Variants in INTS8 observed in about 807,000 individuals in gnomAD.
The protein encoded by INTS8 is protein kaonashi-1.
Under a neutral mutation model 138.9 loss-of-function variants are expected in INTS8, and 47 were observed. The observed-to-expected ratio is 0.34, with a 90% confidence interval of 0.27 to 0.43. The LOEUF (loss-of-function observed/expected upper bound fraction) is 0.43. Ranked by LOEUF, INTS8 falls within the 20% of genes least tolerant of loss-of-function variation. The pLI is 1.00. For missense variants in INTS8, 996 were observed against 1,173.0 expected (o/e 0.85, Z 2.20); for synonymous variants, 392 against 400.9 (o/e 0.98, Z 0.27).
chr8:94,827,879 A>G (rs568007108), intron 4 of INTS8, 86 bp downstream of exon 4: 3 of 1,079,316 alleles, frequency 2.8e-6, no homozygotes, highest in Admixed American at 1.7e-5. Context: ...CCTCTGTTAT[A>G]GAAGAAGTAG....
At chr8:94,851,436 T>C in intron 12 of INTS8, 117 bp from the exon 13 acceptor site, 1 of 653,230 alleles carries the variant, frequency 1.5e-6, no homozygotes, top group Non-Finnish European at 2.3e-6. Flanking sequence ...GCATCAGTTC[T>C]CAAGATGATA....
chr8:94,874,552 G>T lies in INTS8; in HGVS notation c.2638G>T (p.Val880Leu). 6.4e-7 allele frequency: 1 copy of T among 1,557,208 alleles called. No individual in the cohort carries two copies. The change falls in exon 23 of 27, where the codon GTA (valine) becomes TTA (leucine). Residue 880 changes from valine (V) to leucine (L), a missense_variant and splice_region_variant. Physicochemically the swap from Val to Leu is conservative, Grantham distance 32. Transcript: ENST00000523731. ...AATAATGAGAATTTTGCTTTTGTAG[G>T]TAATAAAACGAATGATAAAATGTTG... The part of the protein sequence containing the change: ...AVPPDVYTDQ[V>L]IKRMIKCCSL...
chr8:94,864,495 G>A (rs1389872076), intron 16 of INTS8, among the ~76,000 whole-genome samples: 1 of 152,128 alleles, frequency 6.6e-6, no homozygotes, highest in African/African-American at 2.4e-5. Flanking sequence ...ATCACTTGAG[G>A]CCAGGAGTTC....
Position 94,823,374 on chromosome 8 carries a change from T to C in INTS8, c.-58T>C. 1 of 1,504,870 alleles carries C rather than the reference T, an allele frequency of 6.6e-7. No individual in the cohort carries two copies. Among genetic ancestry groups the C allele is most frequent in the Non-Finnish European group, 8.9e-7 (1 of 1,129,566 alleles). The allele number at this position is 1,504,870 out of a possible 1,614,324, so 93.2% of individuals were successfully genotyped here. A position where few individuals can be genotyped will look rare whatever the true frequency, so the allele number is the denominator to read the frequency against. ...CGCATACCCCAGGCACCGGCCCGCA[T>C]CCAAGTGTCAGGTTGGAGCCGGGAA... On this transcript the variant is annotated 5_prime_UTR_variant, in exon 1 of 27. Coordinates refer to ENST00000523731, the MANE Select transcript of INTS8 (RefSeq NM_017864.4).
intron 1 of INTS8, among the ~76,000 whole-genome samples, chr8:94,823,939 G>C (rs757051828): frequency 6.6e-6 from 1 of 152,224 alleles, no homozygotes; most frequent in South Asian, 2.1e-4. Flanking sequence ...AGGGAGCTGG[G>C]GAGAAACCAG....
intron 10 of INTS8, among the ~76,000 whole-genome samples, chr8:94,848,025 T>C (rs995554637): frequency 6.6e-6 from 1 of 151,342 alleles, no homozygotes; most frequent in Non-Finnish European, 1.5e-5. Flanking sequence ...TTTTTTTTTT[T>C]TGAGATGGAG....
intron 21 of INTS8, among the ~76,000 whole-genome samples, chr8:94,873,077 A>T (rs1297907847): frequency 1.3e-5 from 2 of 152,192 alleles, no homozygotes; most frequent in Non-Finnish European, 2.9e-5. Context: ...CAGGTTCTCG[A>T]TATCTATCAA....
rs569164624 is a variant in INTS8 at position 94,878,796 on chromosome 8, A to G, written c.2872-1322A>G. Among the ~76,000 whole-genome samples, 28 of 152,330 alleles carry G rather than the reference A, an allele frequency of 1.8e-4. No homozygotes were observed. In the South Asian group the frequency reaches 5.6e-3, roughly 30 times the overall value. On this transcript the variant is annotated intron_variant, in intron 26 of 26. Coordinates refer to ENST00000523731, the MANE Select transcript of INTS8 (RefSeq NM_017864.4). ...CCACCAAATGCCAGATCCAGTGGAT[A>G]CTTTTCAGTCCTTTTCCTGATTACA...
intron 18 of INTS8, chr8:94,866,454 A>T: frequency 2.5e-6 from 1 of 394,596 alleles, no homozygotes; most frequent in East Asian, 6.1e-5. Flanking sequence ...AACCATGCCC[A>T]GCTAATTTTT....
Position 94,823,416 on chromosome 8 carries a change from C to T in INTS8, c.-16C>T. The T allele has an allele frequency of 6.6e-7, 1 of 1,519,828 alleles. No individual in the cohort carries two copies. Among genetic ancestry groups the T allele is most frequent in the East Asian group, 2.5e-5 (1 of 40,746 alleles). 94.1% of individuals were successfully genotyped at this position (1,519,828 alleles called of 1,614,324 possible). ...AGCCGGGAAGCGGCCCTGGTGGTAG[C>T]GGCGGCGGGGGCAGGATGAGCGCGG... On this transcript the variant is annotated 5_prime_UTR_variant, in exon 1 of 27. Coordinates refer to ENST00000523731, the MANE Select transcript of INTS8 (RefSeq NM_017864.4).
rs978499383 is a variant in INTS8, at chr8:94,839,285, C to T, written c.1017+667C>T. ...GCGCGCCCCACCCTCCCCACCAACA[C>T]GCACACACCTCTGGGTGTTTATCTT... is the stretch of plus-strand genomic sequence containing the variant. On this transcript the variant is annotated intron_variant, in intron 8 of 26. Coordinates refer to ENST00000523731, the MANE Select transcript of INTS8 (RefSeq NM_017864.4). Among the ~76,000 whole-genome samples, 14 of 152,328 alleles carry T rather than the reference C, an allele frequency of 9.2e-5. No homozygotes were observed. In the East Asian group the frequency reaches 1.7e-3, roughly 19 times the overall value.
intron 1 of INTS8, 127 bp from the exon 2 acceptor site, chr8:94,824,766 C>CA (rs201131859): frequency 0.047 from 15,729 of 333,108 alleles, 808 homozygotes; most frequent in African/African-American, 0.076. Context: ...CCTTTTGTGG[C>CA]AAAAAAAAAA....
intron 16 of INTS8, among the ~76,000 whole-genome samples, chr8:94,862,407 G>A (rs1586514010): frequency 6.6e-6 from 1 of 152,322 alleles, no homozygotes; most frequent in East Asian, 1.9e-4. Context: ...ATCATAGCTT[G>A]TCACTGAGTG....
chr8:94,864,265 A>T (rs1455620143), intron 16 of INTS8, among the ~76,000 whole-genome samples: 2 of 152,130 alleles, frequency 1.3e-5, no homozygotes, highest in African/African-American at 2.4e-5. Flanking sequence ...CCACCTCCTT[A>T]AAAAAGCCGC....
intron 16 of INTS8, chr8:94,859,915 T>G: frequency 3.3e-6 from 1 of 303,046 alleles, no homozygotes; most frequent in Non-Finnish European, 6.4e-6. Context: ...TTCGCTTTCT[T>G]TGCTTTGGTT....
intron 5 of INTS8, among the ~76,000 whole-genome samples, chr8:94,830,750 G>A (rs1205670635): frequency 2.6e-5 from 4 of 152,076 alleles, no homozygotes; most frequent in Admixed American, 2.0e-4. Flanking sequence ...CACCCACTTC[G>A]GACCCCCAAA....
chr8:94,859,329 G>C (rs571099204), intron 15 of INTS8, among the ~76,000 whole-genome samples, 182 bp from the exon 16 acceptor site: 1 of 151,704 alleles, frequency 6.6e-6, no homozygotes, highest in East Asian at 2.0e-4. Context: ...GCCCAGGCTG[G>C]TCTCAAACTC....
At chr8:94,856,733 C>T (rs752619048) in intron 14 of INTS8, 44 bp from the exon 15 acceptor site, 23 of 1,533,160 alleles carry the variant, frequency 1.5e-5, no homozygotes, top group South Asian at 3.4e-5. Context: ...CATTTTTTGG[C>T]GCCAAAGGAA....
chr8:94,859,055 C>T (rs901784556), intron 15 of INTS8, among the ~76,000 whole-genome samples: 1 of 152,038 alleles, frequency 6.6e-6, no homozygotes, highest in Non-Finnish European at 1.5e-5. Flanking sequence ...CACTGGAGTC[C>T]AGGAGTTCGA....
Sources: allele counts gnomAD v4.1 joint callset (sites outside exome capture counted in the v4.1 genomes callset), GRCh38; gene constraint gnomAD v4.1.1; transcripts MANE v1.5; gene names NCBI Gene and HGNC (gene_info 2026-07-23, HGNC 2026-07-21).